Variants in RIT2 observed in about 807,000 individuals in gnomAD.
RIT2 encodes Ras like without CAAX 2, also known as GTP-binding protein Rit2.
Under a neutral mutation model 23.7 loss-of-function variants are expected in RIT2, and 24 were observed. That is an observed-to-expected ratio of 1.01 (90% confidence interval 0.73 to 1.43). The LOEUF is 1.43. RIT2 is among the 40% of genes most tolerant of loss of function. The pLI is 0.00. For missense variants in RIT2, 236 were observed against 266.9 expected (o/e 0.88, Z 0.81); for synonymous variants, 107 against 91.1 (o/e 1.17, Z -0.99).
At chr18:42,819,983 T>G (rs11875160) in intron 4 of RIT2, among the ~76,000 whole-genome samples, 29,550 of 152,098 alleles carry the variant, frequency 0.19, 3,280 homozygotes, top group African/African-American at 0.31. Flanking sequence ...TTTGCATACT[T>G]TAAGTAATCT....
At chr18:42,778,236 C>G (rs1913720359) in intron 4 of RIT2, among the ~76,000 whole-genome samples, 1 of 152,136 alleles carries the variant, frequency 6.6e-6, no homozygotes, top group Non-Finnish European at 1.5e-5. Flanking sequence ...ATGCTCATTT[C>G]CTCTCTTATA....
At chr18:43,078,607 C>A (rs1195996136) in intron 1 of RIT2, among the ~76,000 whole-genome samples, 1 of 152,162 alleles carries the variant, frequency 6.6e-6, no homozygotes, top group Non-Finnish European at 1.5e-5. Context: ...TACTACCTAG[C>A]ATAGTTTACA....
At chr18:43,046,060 C>T (rs1274370824) in intron 1 of RIT2, among the ~76,000 whole-genome samples, 2 of 152,034 alleles carry the variant, frequency 1.3e-5, no homozygotes, top group African/African-American at 4.8e-5. Flanking sequence ...AAGGCAATGG[C>T]TAATAGGCTG....
intron 4 of RIT2, among the ~76,000 whole-genome samples, chr18:42,782,230 T>C (rs1484811254): frequency 6.6e-6 from 1 of 152,150 alleles, no homozygotes; most frequent in Non-Finnish European, 1.5e-5. Flanking sequence ...CTATAGCTAA[T>C]TTATAAAATT....
chr18:43,082,520 C>T (rs567604817), intron 1 of RIT2, among the ~76,000 whole-genome samples: 37 of 152,236 alleles, frequency 2.4e-4, no homozygotes, highest in Non-Finnish European at 4.3e-4. Flanking sequence ...TATCAAAATG[C>T]TTATCTGCCA....
intron 4 of RIT2, among the ~76,000 whole-genome samples, chr18:42,838,255 G>T (rs374663501): frequency 1.3e-5 from 2 of 151,590 alleles, no homozygotes; most frequent in Admixed American, 6.6e-5. Flanking sequence ...GTTCTTCTCC[G>T]CAAGAAAGAG....
intron 4 of RIT2, among the ~76,000 whole-genome samples, chr18:42,869,748 C>T (rs1289626993): frequency 2.6e-5 from 4 of 152,212 alleles, no homozygotes; most frequent in Non-Finnish European, 5.9e-5. Flanking sequence ...CTCACTGCTG[C>T]TGACCACAGT....
intron 4 of RIT2, among the ~76,000 whole-genome samples, chr18:42,793,827 T>A (rs1914094849): frequency 6.6e-6 from 1 of 152,200 alleles, no homozygotes; most frequent in African/African-American, 2.4e-5. Flanking sequence ...TAATTTTTAC[T>A]CCTCTACTCC....
intron 1 of RIT2, among the ~76,000 whole-genome samples, chr18:43,111,045 C>G (rs1192315432): frequency 1.3e-5 from 2 of 151,998 alleles, no homozygotes; most frequent in Admixed American, 1.3e-4. Context: ...TTGGAAGTAA[C>G]TTAAGTGTCC....
intron 1 of RIT2, among the ~76,000 whole-genome samples, chr18:43,057,647 T>A (rs904089831): frequency 6.6e-6 from 1 of 151,504 alleles, no homozygotes. Context: ...TTAGTTACCA[T>A]GAGAAGCAGA....
chr18:43,105,481 G>GGAGGAAGAGAGGAAGGGAGGAAGA (rs149976917), intron 1 of RIT2, among the ~76,000 whole-genome samples: 2 of 118,298 alleles, frequency 1.7e-5, no homozygotes, highest in Non-Finnish European at 3.7e-5. Context: ...AGAGAGGAAG[G>GGAGGAAGAGAGGAAGGGAGGAAGA]GAGGAAGGGA....
chr18:42,911,503 G>A (rs1908768731), intron 4 of RIT2, among the ~76,000 whole-genome samples: 1 of 151,746 alleles, frequency 6.6e-6, no homozygotes, highest in African/African-American at 2.4e-5. Flanking sequence ...CAGATCCATG[G>A]GTAACTATAT....
chr18:42,867,939 G>T (rs906788331), intron 4 of RIT2, among the ~76,000 whole-genome samples: 1 of 152,210 alleles, frequency 6.6e-6, no homozygotes, highest in African/African-American at 2.4e-5. Flanking sequence ...GGCATTAGAA[G>T]TTTCTAAAAT....
intron 1 of RIT2, among the ~76,000 whole-genome samples, chr18:43,058,655 G>A (rs1163593640): frequency 2.6e-5 from 4 of 152,100 alleles, no homozygotes; most frequent in Non-Finnish European, 2.9e-5. Context: ...GGGAGGCCAA[G>A]ATGGGCAGCT....
chr18:42,941,019 C>T (rs929551028), intron 3 of RIT2, among the ~76,000 whole-genome samples: 2 of 152,116 alleles, frequency 1.3e-5, no homozygotes, highest in African/African-American at 4.8e-5. Flanking sequence ...TCAGGCTTGA[C>T]ACTCAGGCTT....
chr18:42,909,785 T>TA (rs1244390074), intron 4 of RIT2, among the ~76,000 whole-genome samples: 4,116 of 146,452 alleles, frequency 0.028, 151 homozygotes, highest in African/African-American at 0.089. Context: ...AACGCTAAAC[T>TA]AAAAAAAAAA....
At chr18:43,086,285 T>A (rs1913280969) in intron 1 of RIT2, among the ~76,000 whole-genome samples, 1 of 152,096 alleles carries the variant, frequency 6.6e-6, no homozygotes, top group Non-Finnish European at 1.5e-5. Flanking sequence ...TGTATAGACA[T>A]TACAACTGAT....
At chr18:42,852,870 G>C (rs1907093185) in intron 4 of RIT2, among the ~76,000 whole-genome samples, 1 of 136,356 alleles carries the variant, frequency 7.3e-6, no homozygotes, top group African/African-American at 2.8e-5. Flanking sequence ...GCCTTTCTCT[G>C]TCTCCCAGGC....
chr18:42,807,810 T>C (rs1311219060), intron 4 of RIT2, among the ~76,000 whole-genome samples: 1 of 151,912 alleles, frequency 6.6e-6, no homozygotes, highest in Non-Finnish European at 1.5e-5. Flanking sequence ...TGTGTGTGTG[T>C]GTGTGTGTGT....
Sources: gnomAD v4.1 joint callset for allele counts (sites outside exome capture counted in the v4.1 genomes callset) on GRCh38, gnomAD v4.1.1 for gene constraint, MANE v1.5 for transcripts, NCBI Gene and HGNC (gene_info 2026-07-23, HGNC 2026-07-21) for gene names.